VRK2: variants seen among roughly 807,000 people sequenced by gnomAD.
The protein encoded by VRK2 is VRK serine/threonine kinase 2.
A neutral mutation model predicts 57.6 loss-of-function variants in VRK2; 60 were observed. The observed-to-expected ratio is 1.04, with a 90% CI of 0.85 to 1.29. The LOEUF (loss-of-function observed/expected upper bound fraction) is 1.29. Among genes scored for constraint, VRK2 ranks in the 50% most tolerant of loss-of-function variants. The pLI is 0.00. For missense variants in VRK2, 705 were observed against 588.1 expected, an observed-to-expected ratio of 1.20 and a Z score of -2.06; for synonymous variants, 231 against 199.2, an observed-to-expected ratio of 1.16 and a Z score of -1.35.
intron 1 of VRK2, among the ~76,000 whole-genome samples, chr2:58,007,002 G>A (rs1673268304): frequency 6.6e-6 from 1 of 151,942 alleles, no homozygotes. Context: ...TGTCGAAAAT[G>A]AATAATATTA....
chr2:57,936,707 T>G (rs1670921593), intron 1 of VRK2, among the ~76,000 whole-genome samples: 2 of 152,154 alleles, frequency 1.3e-5, no homozygotes, highest in African/African-American at 4.8e-5. Flanking sequence ...GTATTTTTAT[T>G]GTACCTCTTC....
intron 12 of VRK2, among the ~76,000 whole-genome samples, chr2:58,147,891 A>G (rs545778236): frequency 2.7e-5 from 4 of 150,312 alleles, no homozygotes; most frequent in Middle Eastern, 3.5e-3. Flanking sequence ...TTGTATAACT[A>G]TATCATAGTT....
intron 1 of VRK2, among the ~76,000 whole-genome samples, chr2:57,993,307 A>G (rs1413441869): frequency 6.6e-6 from 1 of 152,186 alleles, no homozygotes; most frequent in Non-Finnish European, 1.5e-5. Flanking sequence ...CATAAAAGTA[A>G]AAGGAAGACT....
intron 1 of VRK2, among the ~76,000 whole-genome samples, chr2:57,977,817 C>A (rs1231171333): frequency 6.6e-6 from 1 of 151,086 alleles, no homozygotes; most frequent in Non-Finnish European, 1.5e-5. Context: ...GGAATGATTC[C>A]AGCTTCTGCT....
chr2:57,967,635 G>C (rs1056421969), intron 1 of VRK2, among the ~76,000 whole-genome samples: 5 of 151,776 alleles, frequency 3.3e-5, no homozygotes, highest in African/African-American at 4.9e-5. Context: ...CTACGTTCTA[G>C]TGTTTTACTC....
chr2:58,117,188 C>T (rs1676648614), intron 7 of VRK2, among the ~76,000 whole-genome samples: 2 of 151,972 alleles, frequency 1.3e-5, no homozygotes, highest in Admixed American at 1.3e-4. Flanking sequence ...GTTGCTGCCA[C>T]ACAAGCCATG....
At position 58,064,478 on chromosome 2, in the gene VRK2, T is replaced by C. The variant is rs573591683; in HGVS notation, c.136+15511T>C. 5.9e-5 allele frequency among the ~76,000 whole-genome samples: 9 copies of C among 152,284 alleles called. No individual in the cohort carries two copies. In the South Asian group the frequency reaches 1.7e-3, roughly 28 times the overall value. ...TGCTAAAATTTTTTTAGCAATAAAA[T>C]ATTTTTAAATTAAGGCATGTACGTT... is the stretch of plus-strand genomic sequence containing the variant. On this transcript the variant is annotated intron_variant, in intron 2 of 12. Coordinates refer to ENST00000340157, the MANE Select transcript of VRK2 (RefSeq NM_006296.7).
At chr2:58,031,737 A>C (rs891307896) in intron 2 of VRK2, among the ~76,000 whole-genome samples, 1 of 151,998 alleles carries the variant, frequency 6.6e-6, no homozygotes, top group African/African-American at 2.4e-5. Context: ...TCTCATAGCT[A>C]CCTCTGGATT....
chr2:57,912,816 ATCCCGAGAT>A (rs1670031212), intron 1 of VRK2, among the ~76,000 whole-genome samples: 1 of 152,208 alleles, frequency 6.6e-6, no homozygotes, highest in South Asian at 2.1e-4. Flanking sequence ...AAATATTTGT[ATCCCGAGAT>A]TCATATATTA....
intron 7 of VRK2, among the ~76,000 whole-genome samples, chr2:58,106,812 A>G (rs1442007368): frequency 6.6e-6 from 1 of 152,114 alleles, no homozygotes; most frequent in Non-Finnish European, 1.5e-5. Flanking sequence ...TGAAAACTAT[A>G]TCTTCATGCT....
chr2:57,978,824 C>G (rs901045975), intron 1 of VRK2, among the ~76,000 whole-genome samples: 3 of 150,468 alleles, frequency 2.0e-5, no homozygotes, highest in Non-Finnish European at 4.4e-5. Context: ...TACAACAGGC[C>G]CTGGTGTATG....
chr2:57,929,593 C>A (rs1670653730), intron 1 of VRK2, among the ~76,000 whole-genome samples: 1 of 152,108 alleles, frequency 6.6e-6, no homozygotes, highest in South Asian at 2.1e-4. Flanking sequence ...ACAAAGTCCC[C>A]TTTACTCTTC....
At chr2:58,051,115 G>T (rs535577753) in intron 2 of VRK2, among the ~76,000 whole-genome samples, 2 of 152,278 alleles carry the variant, frequency 1.3e-5, no homozygotes, top group African/African-American at 4.8e-5. Context: ...GAAGTGTTGG[G>T]ATTACAGACG....
In VRK2 at chr2:58,061,206, C is replaced by T. The variant is rs1488078225; in HGVS notation, c.136+12239C>T. ...AATTATAGGGTTAACAGTTAAGTTA[C>T]ATATCAACCCTTTAGGGAAGCTCAA... On this transcript the variant is annotated intron_variant, in intron 2 of 12. Transcript: ENST00000340157. Among the ~76,000 whole-genome samples, 6 of 151,684 alleles carry T rather than the reference C, an allele frequency of 4.0e-5. No individual in the cohort carries two copies. In the South Asian group the frequency reaches 1.0e-3, roughly 26 times the overall value.
chr2:58,034,358 C>A (rs1674208494), intron 3 of VRK2, among the ~76,000 whole-genome samples: 1 of 151,896 alleles, frequency 6.6e-6, no homozygotes, highest in African/African-American at 2.4e-5. Context: ...CTTTCTTTCC[C>A]AGTTTGCCCG....
At chr2:58,012,782 T>C (rs1243573606) in intron 1 of VRK2, among the ~76,000 whole-genome samples, 1 of 152,208 alleles carries the variant, frequency 6.6e-6, no homozygotes, top group Admixed American at 6.5e-5. Flanking sequence ...AAAGACCAAA[T>C]CTATTTTTCA....
chr2:58,033,797 T>G (rs563897609), intron 3 of VRK2: 1 of 152,142 alleles, frequency 6.6e-6, no homozygotes, highest in African/African-American at 2.4e-5. Flanking sequence ...TATAGGATCT[T>G]TCCTGAAATC....
intron 2 of VRK2, among the ~76,000 whole-genome samples, chr2:58,062,012 A>G (rs1016463604): frequency 3.9e-5 from 6 of 151,980 alleles, no homozygotes; most frequent in African/African-American, 1.4e-4. Flanking sequence ...GTGTTTTTTT[A>G]CACACTGAAG....
At chr2:57,923,934 T>G (rs1188442818) in intron 1 of VRK2, among the ~76,000 whole-genome samples, 4 of 152,092 alleles carry the variant, frequency 2.6e-5, no homozygotes, top group African/African-American at 9.7e-5. Context: ...TTCGTTCTTA[T>G]GCGTATGGAT....
Sources: allele counts gnomAD v4.1 joint callset (sites outside exome capture counted in the v4.1 genomes callset), GRCh38; gene constraint gnomAD v4.1.1; transcripts MANE v1.5; gene names NCBI Gene and HGNC (gene_info 2026-07-23, HGNC 2026-07-21).